DZIP3: variants seen among roughly 807,000 people sequenced by gnomAD.
DZIP3 encodes the protein E3 ubiquitin-protein ligase DZIP3.
In DZIP3, 118 loss-of-function variants were observed where a neutral mutation model predicts 162.0. That is an observed-to-expected ratio of 0.73 (90% CI 0.63 to 0.85). DZIP3 has a LOEUF of 0.85. Ranked by LOEUF, DZIP3 falls within the 40% of genes least tolerant of loss-of-function variation. DZIP3 has a pLI of 0.00. For synonymous variants in DZIP3, 438 were observed against 458.6 expected (o/e 0.96, Z 0.57); for missense variants, 1,331 against 1,407.0 (o/e 0.95, Z 0.86).
intron 2 of DZIP3, among the ~76,000 whole-genome samples, chr3:108,607,845 A>G (rs1395596026): frequency 1.3e-5 from 2 of 152,064 alleles, no homozygotes; most frequent in Non-Finnish European, 2.9e-5. Flanking sequence ...CATATCTGTT[A>G]AGGATGCAGT....
chr3:108,606,997 GA>G (rs1279635439), intron 2 of DZIP3, among the ~76,000 whole-genome samples: 2 of 152,184 alleles, frequency 1.3e-5, no homozygotes, highest in Non-Finnish European at 2.9e-5. Flanking sequence ...CTCAAACCTT[GA>G]AAGACTTCAG....
intron 16 of DZIP3, 165 bp downstream of exon 16, chr3:108,648,277 C>A: frequency 1.8e-6 from 1 of 564,640 alleles, no homozygotes; most frequent in Non-Finnish European, 2.8e-6. Flanking sequence ...CTCAGTACTT[C>A]CTTCCATAAT....
chr3:108,620,899 G>A (rs1941298866), intron 5 of DZIP3, among the ~76,000 whole-genome samples: 1 of 152,168 alleles, frequency 6.6e-6, no homozygotes, highest in African/African-American at 2.4e-5. Flanking sequence ...TCGGCTCACT[G>A]CAACCTCCAC....
At chr3:108,671,958 T>C (rs150129596) in intron 22 of DZIP3, among the ~76,000 whole-genome samples, 95 of 152,018 alleles carry the variant, frequency 6.2e-4, no homozygotes, top group African/African-American at 1.7e-3. Flanking sequence ...CTTATAAAAA[T>C]AGAATTGTAT....
intron 19 of DZIP3, among the ~76,000 whole-genome samples, chr3:108,656,715 C>G (rs1215778446): frequency 6.6e-6 from 1 of 152,048 alleles, no homozygotes; most frequent in Non-Finnish European, 1.5e-5. Flanking sequence ...GAAGTTCGAA[C>G]CCATGGCAAA....
intron 9 of DZIP3, 65 bp downstream of exon 9, chr3:108,633,137 AAAT>A (rs775083039): frequency 1.2e-4 from 87 of 725,770 alleles, no homozygotes; most frequent in Non-Finnish European, 1.5e-4. Flanking sequence ...TAACTATATA[AAAT>A]AATAAAAATT....
intron 2 of DZIP3, among the ~76,000 whole-genome samples, chr3:108,606,392 A>G (rs1576349100): frequency 6.6e-6 from 1 of 152,220 alleles, no homozygotes; most frequent in Non-Finnish European, 1.5e-5. Flanking sequence ...AAAAGCATTT[A>G]CTGATTCCTT....
chr3:108,617,948 C>T (rs982861708), intron 5 of DZIP3, among the ~76,000 whole-genome samples: 7 of 152,294 alleles, frequency 4.6e-5, no homozygotes, highest in Admixed American at 3.3e-4. Context: ...CCCTTGGTAG[C>T]TCTAGGTAGT....
intron 19 of DZIP3, 91 bp from the exon 20 acceptor site, chr3:108,661,786 A>G: frequency 1.1e-6 from 1 of 933,880 alleles, no homozygotes; most frequent in Non-Finnish European, 1.6e-6. Context: ...AAAAACGTGA[A>G]AGGAGTTAGA....
In DZIP3 at chr3:108,686,474, G is replaced by A. The variant is rs781438178; in HGVS notation, c.3039G>A (p.Ala1013=). ...CTGGCATAGCCTGGGCTCTGCCAGC[G>A]CCTGTGGGAGACGCTGTGCCTCCCA... ...LMTGIAWALP[A]PVGDAVPPSA... The change falls in exon 28 of 33, where the codon GCG becomes GCA. Residue 1013 remains alanine (A), a synonymous_variant. Coordinates refer to ENST00000361582, the MANE Select transcript of DZIP3 (RefSeq NM_014648.4). 6.2e-6 allele frequency: 10 copies of A among 1,607,998 alleles called. No individual in the cohort carries two copies. The highest frequency in any genetic ancestry group is 4.0e-5 in the African/African-American group (3 of 74,526).
intron 27 of DZIP3, among the ~76,000 whole-genome samples, 166 bp from the exon 28 acceptor site, chr3:108,686,279 A>G (rs1054140128): frequency 3.3e-5 from 5 of 152,222 alleles, no homozygotes; most frequent in Admixed American, 2.6e-4. Flanking sequence ...CCTATTTTTA[A>G]AATAAGTTTA....
At chr3:108,623,624 A>G (rs927570710) in intron 5 of DZIP3, among the ~76,000 whole-genome samples, 1 of 151,732 alleles carries the variant, frequency 6.6e-6, no homozygotes, top group African/African-American at 2.4e-5. Context: ...TGACATAAGC[A>G]CTCCCTTGCC....
At chr3:108,590,937 T>C (rs1939368849) in intron 1 of DZIP3, among the ~76,000 whole-genome samples, 1 of 152,156 alleles carries the variant, frequency 6.6e-6, no homozygotes, top group Non-Finnish European at 1.5e-5. Flanking sequence ...AAAATACTAC[T>C]GGCATGCAAC....
chr3:108,684,892 A>G (rs1005161755), intron 27 of DZIP3, among the ~76,000 whole-genome samples: 5 of 152,246 alleles, frequency 3.3e-5, no homozygotes, highest in African/African-American at 1.2e-4. Flanking sequence ...GAAGGAACAT[A>G]TAAATTTGAA....
chr3:108,638,186 C>G (rs1435818008), intron 12 of DZIP3, among the ~76,000 whole-genome samples: 1 of 152,156 alleles, frequency 6.6e-6, no homozygotes, highest in Non-Finnish European at 1.5e-5. Context: ...TATATACCTA[C>G]CTGCATACTG....
At chr3:108,689,984 G>T (rs1944632243) in intron 31 of DZIP3, among the ~76,000 whole-genome samples, 1 of 152,142 alleles carries the variant, frequency 6.6e-6, no homozygotes, top group Non-Finnish European at 1.5e-5. Flanking sequence ...CTAATATGAA[G>T]ATACATCCAC....
rs748542209 is a variant in DZIP3 at position 108,605,389 on chromosome 3, A to G, written c.-18A>G. On this transcript the variant is annotated 5_prime_UTR_variant, in exon 2 of 33. Transcript: ENST00000361582. ...GCAAGCAGTGGAATAAGATTTTTGTAAAGAAACCTTGTGCAGCATGGATTC... is the reference window on the plus strand; with the variant it reads ...GCAAGCAGTGGAATAAGATTTTTGTGAAGAAACCTTGTGCAGCATGGATTC... The G allele has an allele frequency of 1.9e-6, 3 of 1,613,488 alleles. No individual in the cohort carries two copies. The highest frequency in any genetic ancestry group is 2.5e-6 in the Non-Finnish European group (3 of 1,179,688).
chr3:108,605,202 G>A lies in DZIP3; in HGVS notation c.-72-133G>A, dbSNP rs149038254. The A allele has an allele frequency of 6.0e-5, 38 of 632,004 alleles. No homozygotes were observed. The East Asian group carries it at 1.1e-3, about 18-fold the overall frequency. 39.1% of individuals were successfully genotyped at this position (632,004 alleles called of 1,614,324 possible). A position where few individuals can be genotyped will look rare whatever the true frequency, so the allele number is the denominator to read the frequency against. ...AAGGATGAGTAGTGATTATGTTTGG[G>A]TGGCGAAACTATGATTCATTTTCTT... On this transcript the variant is annotated intron_variant, in intron 1 of 32. Transcript: ENST00000361582.
chr3:108,652,836 C>T (rs76226638), intron 18 of DZIP3, among the ~76,000 whole-genome samples: 30,855 of 151,724 alleles, frequency 0.2, 3,714 homozygotes, highest in East Asian at 0.45. Context: ...GTATTCAGTA[C>T]AGTAATATGC....
Sources: allele counts gnomAD v4.1 joint callset (sites outside exome capture counted in the v4.1 genomes callset), GRCh38; gene constraint gnomAD v4.1.1; transcripts MANE v1.5; gene names NCBI Gene and HGNC (gene_info 2026-07-23, HGNC 2026-07-21).